SHANK2: variants seen among roughly 807,000 people sequenced by gnomAD.
SHANK2 encodes SH3 and multiple ankyrin repeat domains protein 2.
A neutral mutation model predicts 133.7 loss-of-function variants in SHANK2; 43 were observed. The observed-to-expected ratio is 0.32, with a 90% CI of 0.25 to 0.41. SHANK2 has a LOEUF of 0.41. SHANK2 is among the 10% of genes least tolerant of loss of function. SHANK2 has a pLI of 1.00. For synonymous variants in SHANK2, 1,017 were observed against 952.8 expected (o/e 1.07, Z -1.24); for missense variants, 1,994 against 2,235.8 (o/e 0.89, Z 2.18).
intron 8 of SHANK2, among the ~76,000 whole-genome samples, chr11:71,085,506 G>A (rs1469451320): frequency 1.9e-5 from 2 of 106,248 alleles, no homozygotes; most frequent in Admixed American, 1.4e-4. Context: ...TAATATATAT[G>A]TTATATTATA....
intron 11 of SHANK2, among the ~76,000 whole-genome samples, chr11:70,879,046 G>A (rs1949616633): frequency 6.6e-6 from 1 of 152,182 alleles, no homozygotes; most frequent in Admixed American, 6.5e-5. Context: ...CATCTTGGTG[G>A]ACTCCTTGGT....
chr11:70,518,549 C>A (rs2059293194), intron 17 of SHANK2, among the ~76,000 whole-genome samples: 2 of 152,234 alleles, frequency 1.3e-5, no homozygotes, highest in African/African-American at 4.8e-5. Context: ...CATCTCTAGG[C>A]TTTCCCCATT....
At chr11:70,603,908 T>C (rs2060536361) in intron 17 of SHANK2, 1 of 152,496 alleles carries the variant, frequency 6.6e-6, no homozygotes, top group Non-Finnish European at 1.5e-5. Context: ...CACCCAGAAG[T>C]GGGGTGAGGA....
chr11:70,716,089 C>T (rs1273301521), intron 14 of SHANK2, among the ~76,000 whole-genome samples: 2 of 152,144 alleles, frequency 1.3e-5, no homozygotes, highest in South Asian at 2.1e-4. Flanking sequence ...GCCCCTCCAA[C>T]ACCCGCTGCC....
At chr11:70,905,171 T>A (rs3019825) in intron 10 of SHANK2, among the ~76,000 whole-genome samples, 2 of 151,904 alleles carry the variant, frequency 1.3e-5, no homozygotes, top group Non-Finnish European at 2.9e-5. Context: ...GACAGGCAGG[T>A]GAGGAGGACC....
rs545411802 is a variant in SHANK2 at position 71,206,112 on chromosome 11, G to A, written c.-13+18585C>T. ...CCATGAACACAAGGGGAAAGAATAC[G>A]CGAACTCACTCTGCAAAGTACACAT... On this transcript the variant is annotated intron_variant, in intron 2 of 25. Coordinates refer to ENST00000601538, the MANE Select transcript of SHANK2 (RefSeq NM_012309.5). Among the ~76,000 whole-genome samples the A allele has an allele frequency of 3.3e-5, 5 of 152,222 alleles. No homozygotes were observed. In the South Asian group the frequency reaches 8.3e-4, roughly 25 times the overall value.
chr11:70,837,975 CAAAAAAAAAAAAAAAAAAA>C (rs55862093), intron 11 of SHANK2, among the ~76,000 whole-genome samples: 2 of 25,178 alleles, frequency 7.9e-5, no homozygotes, highest in African/African-American at 2.5e-4. Flanking sequence ...CATTCTGTCT[CAAAAAAAAAAAAAAAAAAA>C]AAAAAAAGAA....
chr11:70,907,319 C>CCCCT (rs1212760494), intron 10 of SHANK2, among the ~76,000 whole-genome samples: 4 of 152,174 alleles, frequency 2.6e-5, no homozygotes, highest in Non-Finnish European at 4.4e-5. Context: ...GCCCTCAGCA[C>CCCCT]CCCTCCCATG....
chr11:70,931,244 G>T (rs1165783742), intron 10 of SHANK2, among the ~76,000 whole-genome samples: 6 of 152,172 alleles, frequency 3.9e-5, no homozygotes, highest in African/African-American at 1.4e-4. Flanking sequence ...TAGTGATAGG[G>T]TTTCTTTTTG....
At chr11:71,162,249 C>A (rs1488786712) in intron 2 of SHANK2, among the ~76,000 whole-genome samples, 2 of 152,220 alleles carry the variant, frequency 1.3e-5, no homozygotes, top group Admixed American at 6.5e-5. Flanking sequence ...GGTGTGGCAT[C>A]TGGTGAGGAC....
At chr11:71,081,680 TCAGA>T (rs1458841590) in intron 8 of SHANK2, among the ~76,000 whole-genome samples, 1 of 152,038 alleles carries the variant, frequency 6.6e-6, no homozygotes. Context: ...CTCTGGAGGC[TCAGA>T]GAGAGAGGAT....
At chr11:71,174,086 A>G (rs1441641969) in intron 2 of SHANK2, among the ~76,000 whole-genome samples, 1 of 152,258 alleles carries the variant, frequency 6.6e-6, no homozygotes, top group African/African-American at 2.4e-5. Flanking sequence ...GGCACCATTA[A>G]AAACTGCTGT....
At chr11:70,843,807 A>G (rs115225364) in intron 11 of SHANK2, among the ~76,000 whole-genome samples, 112 of 152,212 alleles carry the variant, frequency 7.4e-4, no homozygotes, top group African/African-American at 2.5e-3. Flanking sequence ...ACACGAGTCA[A>G]CTTCCCTAAA....
intron 11 of SHANK2, among the ~76,000 whole-genome samples, chr11:70,837,896 C>T (rs1211318769): frequency 1.3e-5 from 2 of 148,602 alleles, no homozygotes; most frequent in African/African-American, 5.0e-5. Context: ...ATCGCTTGAA[C>T]CCAGGAGGCG....
chr11:70,598,015 C>T (rs541631025), intron 17 of SHANK2, among the ~76,000 whole-genome samples: 11 of 152,222 alleles, frequency 7.2e-5, no homozygotes, highest in Non-Finnish European at 1.6e-4. Flanking sequence ...AGCTGTGCTT[C>T]GTCTCTGCAC....
intron 14 of SHANK2, among the ~76,000 whole-genome samples, chr11:70,707,181 G>C (rs1254609368): frequency 1.3e-5 from 2 of 151,886 alleles, no homozygotes; most frequent in Non-Finnish European, 2.9e-5. Context: ...AGACCAGCCT[G>C]GTCAACACGG....
chr11:70,493,995 C>T (rs558863713), intron 21 of SHANK2, among the ~76,000 whole-genome samples: 17 of 152,308 alleles, frequency 1.1e-4, no homozygotes, highest in East Asian at 3.9e-4. Context: ...AGCTGACCCA[C>T]GGGCAAAGCT....
intron 17 of SHANK2, among the ~76,000 whole-genome samples, chr11:70,507,084 C>T (rs945581626): frequency 3.9e-5 from 6 of 152,238 alleles, no homozygotes; most frequent in African/African-American, 9.6e-5. Flanking sequence ...AATTAGAACC[C>T]TCGCACTTGG....
At chr11:70,783,503 CCAGCA>C (rs199578495) in intron 14 of SHANK2, among the ~76,000 whole-genome samples, 1,603 of 152,260 alleles carry the variant, frequency 0.011, 15 homozygotes, top group South Asian at 0.035. Flanking sequence ...GGGAGAGAAG[CCAGCA>C]CAGCACAGCA....
Sources: allele counts gnomAD v4.1 joint callset (sites outside exome capture counted in the v4.1 genomes callset), GRCh38; gene constraint gnomAD v4.1.1; transcripts MANE v1.5; gene names NCBI Gene and HGNC (gene_info 2026-07-23, HGNC 2026-07-21).